Variants in ABCG1 observed in about 807,000 individuals in gnomAD.
ABCG1 encodes ATP-binding cassette sub-family G member 1.
Under a neutral mutation model 69.2 loss-of-function variants are expected in ABCG1, and 29 were observed. That is an observed-to-expected ratio of 0.42 (90% confidence interval 0.31 to 0.57). ABCG1 has a LOEUF of 0.57. Ranked by LOEUF, ABCG1 falls within the 20% of genes least tolerant of loss-of-function variation. The pLI is 0.15. For missense variants in ABCG1, 718 were observed against 898.1 expected, an observed-to-expected ratio of 0.80 and a Z score of 2.56; for synonymous variants, 370 against 374.8, an observed-to-expected ratio of 0.99 and a Z score of 0.15.
At position 42,291,398 on chromosome 21, in the gene ABCG1, G is replaced by T; in HGVS notation, c.1495-100G>T. 1 of 1,500,252 alleles carries T rather than the reference G, an allele frequency of 6.7e-7. No homozygotes were observed. The allele number at this position is 1,500,252 out of a possible 1,614,324, so 92.9% of individuals were successfully genotyped here. A position where few individuals can be genotyped will look rare whatever the true frequency, so the allele number is the denominator to read the frequency against. On this transcript the variant is annotated intron_variant, in intron 12 of 14. Transcript: ENST00000398449. The surrounding 1 kb of genome is among the most constrained non-coding windows in gnomAD (Gnocchi z 6.4). ...GAAGGACCCGACTTTGGGAGCTCTG[G>T]CGGGAGCTGCGGGGAAGGGCTGGCT...
rs576779555 is a variant in ABCG1, at chr21:42,245,491, G to T, written c.286+19577G>T. Among the ~76,000 whole-genome samples, 278 of 152,298 alleles carry T rather than the reference G, an allele frequency of 1.8e-3. 1 individual carries two copies. Among genetic ancestry groups the T allele is most frequent in the Middle Eastern group, 3.4e-3 (1 of 294 alleles). ...TAACCCCAGTGAAGTGTTCTTGAAG[G>T]GTGGGTGCGGCCACACATCCTGCAA... is the stretch of plus-strand genomic sequence containing the variant. On this transcript the variant is annotated intron_variant, in intron 2 of 14. Transcript: ENST00000398449.
chr21:42,210,834 G>A (rs1360241691), intron 2 of ABCG1, among the ~76,000 whole-genome samples: 2 of 152,168 alleles, frequency 1.3e-5, no homozygotes, highest in Admixed American at 6.5e-5. Flanking sequence ...CTCTATAGCT[G>A]GGCTGGCTCA....
intron 2 of ABCG1, 44 bp downstream of exon 2, chr21:42,225,958 C>T (rs1023358532): frequency 6.9e-6 from 11 of 1,593,556 alleles, no homozygotes; most frequent in Middle Eastern, 2.3e-4. Flanking sequence ...GGAGGAGCCT[C>T]TGAAGGAGGC....
At chr21:42,210,195 T>C (rs2067575417) in intron 2 of ABCG1, among the ~76,000 whole-genome samples, 1 of 152,186 alleles carries the variant, frequency 6.6e-6, no homozygotes. Flanking sequence ...AGAACTCTGA[T>C]GGCCCTGCTG....
At position 42,296,444 on chromosome 21, in the gene ABCG1, G is replaced by A. The variant is rs56337741; in HGVS notation, c.*52G>A. ...GATTAGACACTGTGGCCGAGGGCAC[G>A]TCTAGAATCGAGGAGGCAAGCCTGT... On this transcript the variant is annotated 3_prime_UTR_variant, in exon 15 of 15. Transcript: ENST00000398449. The surrounding 1 kb of genome is among the most constrained non-coding windows in gnomAD (Gnocchi z 5.4). 0.035 allele frequency: 52,741 copies of A among 1,518,936 alleles called. 1,405 individuals carry two copies. The highest frequency in any genetic ancestry group is 0.13 in the Admixed American group (7,581 of 57,662). The allele number at this position is 1,518,936 out of a possible 1,614,324, so 94.1% of individuals were successfully genotyped here.
In ABCG1 at chr21:42,284,692, G is replaced by A. The variant is rs569678464; in HGVS notation, c.858+9G>A. ...TCGAGCTGTTCGACCAGGTACGCGG[G>A]CCCCGGGCCCTCCCCGCCAGATTAC... On this transcript the variant is annotated intron_variant, in intron 7 of 14. Transcript: ENST00000398449. 99 of 1,611,588 alleles carry A rather than the reference G, an allele frequency of 6.1e-5. No homozygotes were observed. The East Asian group carries it at 2.0e-3, about 32-fold the overall frequency.
intron 1 of ABCG1, among the ~76,000 whole-genome samples, chr21:42,224,681 T>C (rs903292244): frequency 6.6e-6 from 1 of 152,208 alleles, no homozygotes; most frequent in African/African-American, 2.4e-5. Context: ...CTGTGAGATG[T>C]TCTCTCTCGA....
At chr21:42,226,527 A>G (rs1251671557) in intron 2 of ABCG1, among the ~76,000 whole-genome samples, 1 of 152,186 alleles carries the variant, frequency 6.6e-6, no homozygotes, top group Non-Finnish European at 1.5e-5. Flanking sequence ...AGCTTGTTGC[A>G]TGTTACAGGA....
Position 42,284,220 on chromosome 21 carries a change from G to A in ABCG1, c.735-340G>A, listed in dbSNP as rs560585994. ...CAAAGTCCCCCCGCCCAGATGAGTG[G>A]GGACCCCCCCACCTCTGTCCCGCCT... On this transcript the variant is annotated intron_variant, in intron 6 of 14. Transcript: ENST00000398449. Among the ~76,000 whole-genome samples the A allele has an allele frequency of 4.6e-4, 67 of 144,808 alleles. 1 individual carries two copies. The South Asian group carries it at 0.015, about 31-fold the overall frequency. The allele number at this position is 144,808 out of a possible 152,430, so 95.0% of individuals were successfully genotyped here.
chr21:42,291,354 G>T lies in ABCG1; in HGVS notation c.1495-144G>T. On this transcript the variant is annotated intron_variant, in intron 12 of 14. Transcript: ENST00000398449. The surrounding 1 kb of genome is among the most constrained non-coding windows in gnomAD (Gnocchi z 6.4). ...AGGGCCTGACTTCGGGAGCTGTGGC[G>T]GGAGCTGTGGGGAGTGGGGAAGGAC... The T allele has an allele frequency of 3.3e-6, 4 of 1,218,994 alleles. No individual in the cohort carries two copies. The highest frequency in any genetic ancestry group is 4.3e-5 in the Admixed American group (2 of 46,518). The allele number at this position is 1,218,994 out of a possible 1,614,324, so 75.5% of individuals were successfully genotyped here. A position where few individuals can be genotyped will look rare whatever the true frequency, so the allele number is the denominator to read the frequency against.
At chr21:42,256,273 T>A (rs2068302418) in intron 2 of ABCG1, 3 of 1,506,814 alleles carry the variant, frequency 2.0e-6, no homozygotes, top group African/African-American at 2.8e-5. Flanking sequence ...CTGCCTGCCC[T>A]CCCGCCAGGA....
chr21:42,200,442 T>C (rs751146864), intron 1 of ABCG1, among the ~76,000 whole-genome samples: 3 of 152,182 alleles, frequency 2.0e-5, no homozygotes, highest in Non-Finnish European at 4.4e-5. Flanking sequence ...GGGCTTTGAT[T>C]TGCAACCTTT....
intron 2 of ABCG1, among the ~76,000 whole-genome samples, chr21:42,269,086 T>C (rs905253306): frequency 6.6e-6 from 1 of 152,212 alleles, no homozygotes; most frequent in Non-Finnish European, 1.5e-5. Flanking sequence ...AGTCAGATGA[T>C]GGCTGCTGGT....
intron 2 of ABCG1, among the ~76,000 whole-genome samples, chr21:42,251,435 A>G (rs1348315338): frequency 1.3e-5 from 2 of 152,224 alleles, no homozygotes; most frequent in Non-Finnish European, 2.9e-5. Context: ...TCTGAAGATG[A>G]ATAAGGACTC....
At chr21:42,232,601 G>A (rs1039730800) in intron 2 of ABCG1, among the ~76,000 whole-genome samples, 13 of 152,204 alleles carry the variant, frequency 8.5e-5, no homozygotes, top group Non-Finnish European at 1.9e-4. Flanking sequence ...CTCCGTGGGG[G>A]TTGGTGTCAC....
At chr21:42,250,027 G>A (rs1475905783) in intron 2 of ABCG1, among the ~76,000 whole-genome samples, 2 of 151,760 alleles carry the variant, frequency 1.3e-5, no homozygotes, top group African/African-American at 2.4e-5. Flanking sequence ...AAAGTGAGAG[G>A]GGGATGAAGA....
chr21:42,213,390 T>C (rs1371482524), upstream of ABCG1, among the ~76,000 whole-genome samples: 9 of 152,246 alleles, frequency 5.9e-5, no homozygotes, highest in Admixed American at 2.6e-4. Context: ...GTAGGAGCTA[T>C]GGAGGCATGG....
At position 42,291,674 on chromosome 21, in the gene ABCG1, G is replaced by A. The variant is rs1241347656; in HGVS notation, c.1653+18G>A. On this transcript the variant is annotated intron_variant, in intron 13 of 14. Coordinates refer to ENST00000398449, the MANE Select transcript of ABCG1 (RefSeq NM_016818.3). The surrounding 1 kb of genome is among the most constrained non-coding windows in gnomAD (Gnocchi z 6.4). ...CCCTGCAGGTGCCAGCCCAGGAGGCGCTAAGTGAGGGCATGACGGCTGGGC... is the reference window on the plus strand; with the variant it reads ...CCCTGCAGGTGCCAGCCCAGGAGGCACTAAGTGAGGGCATGACGGCTGGGC... 12 of 1,586,558 alleles carry A rather than the reference G, an allele frequency of 7.6e-6. No individual in the cohort carries two copies. The highest frequency in any genetic ancestry group is 1.7e-4 in the Middle Eastern group (1 of 5,972).
Position 42,268,362 on chromosome 21 carries a change from G to GTGTGT in ABCG1, c.287-2708_287-2707insTGTGT, listed in dbSNP as rs1555957895. 3.5e-3 allele frequency among the ~76,000 whole-genome samples: 513 copies of GTGTGT among 147,700 alleles called. 3 individuals carry two copies. The highest frequency in any genetic ancestry group is 0.01 in the Middle Eastern group (3 of 292). The stretch of plus-strand genomic sequence containing the variant: ...ATTTCCTTACATAAATAGAGGTAGG[G>GTGTGT]GTGTGTGTGTGTGTGTGTGTGTGTG... On this transcript the variant is annotated intron_variant, in intron 2 of 14. Coordinates refer to ENST00000398449, the MANE Select transcript of ABCG1 (RefSeq NM_016818.3).
Sources: allele counts gnomAD v4.1 joint callset (sites outside exome capture counted in the v4.1 genomes callset), GRCh38; gene constraint gnomAD v4.1.1; non-coding constraint Gnocchi (gnomAD v3.1); transcripts MANE v1.5; gene names NCBI Gene and HGNC (gene_info 2026-07-23, HGNC 2026-07-21).